The following CSMD1 variants were observed in gnomAD, a reference collection of about 807,000 sequenced individuals.
CSMD1 encodes the protein CUB and sushi domain-containing protein 1.
CSMD1 carries 213 observed loss-of-function variants against 417.5 expected under a neutral mutation model. The ratio of observed to expected loss-of-function variants is 0.51; its 90% confidence interval spans 0.46 to 0.57. CSMD1 has a LOEUF of 0.57. Ranked by LOEUF, CSMD1 falls within the 20% of genes least tolerant of loss-of-function variation. CSMD1 has a pLI of 0.00. For missense variants in CSMD1, 6,923 were observed against 4,529.7 expected (o/e 1.53, Z -15.17); for synonymous variants, 2,862 against 1,736.8 (o/e 1.65, Z -16.11).
At chr8:3,317,944 G>C (rs1465427163) in intron 23 of CSMD1, among the ~76,000 whole-genome samples, 1 of 152,118 alleles carries the variant, frequency 6.6e-6, no homozygotes. Flanking sequence ...TTGAGTAGCT[G>C]GGACCACAGA....
intron 1 of CSMD1, among the ~76,000 whole-genome samples, chr8:4,979,008 C>A (rs1356216395): frequency 6.6e-6 from 1 of 152,172 alleles, no homozygotes; most frequent in Non-Finnish European, 1.5e-5. Flanking sequence ...TAAAAATCTA[C>A]TTTGAAGAGC....
chr8:3,944,515 G>C (rs975716019), intron 5 of CSMD1, among the ~76,000 whole-genome samples: 1 of 152,074 alleles, frequency 6.6e-6, no homozygotes, highest in Non-Finnish European at 1.5e-5. Flanking sequence ...AGATTAGGCA[G>C]AGTTTGAGTT....
At chr8:4,175,613 A>C (rs921779370) in intron 3 of CSMD1, among the ~76,000 whole-genome samples, 1 of 152,174 alleles carries the variant, frequency 6.6e-6, no homozygotes, top group African/African-American at 2.4e-5. Flanking sequence ...TCACGCAATT[A>C]TCACAGCATA....
Position 4,089,053 on chromosome 8 carries a change from G to C in CSMD1, c.416-56954C>G, listed in dbSNP as rs369305897. On this transcript the variant is annotated intron_variant, in intron 3 of 69. Coordinates refer to ENST00000635120, the MANE Select transcript of CSMD1 (RefSeq NM_033225.6). ...TCTTGTAGAGAATGAAGATATTCTG[G>C]TCTTGCCGCCAGAGCTTCTGACAAA... Among the ~76,000 whole-genome samples the C allele has an allele frequency of 3.3e-5, 5 of 152,276 alleles. No individual in the cohort carries two copies. In the East Asian group the frequency reaches 5.8e-4, roughly 18 times the overall value.
chr8:4,892,653 C>T (rs1434105014), intron 1 of CSMD1, among the ~76,000 whole-genome samples: 2 of 151,964 alleles, frequency 1.3e-5, no homozygotes, highest in African/African-American at 4.8e-5. Context: ...TGAGTGTTTT[C>T]TTCTTCAGAC....
chr8:4,238,302 C>T (rs951593804), intron 3 of CSMD1, among the ~76,000 whole-genome samples: 1 of 152,212 alleles, frequency 6.6e-6, no homozygotes, highest in Non-Finnish European at 1.5e-5. Flanking sequence ...CTTCCTCCTT[C>T]TCAGCTTGGT....
At chr8:4,740,645 C>G (rs1563263480) in intron 1 of CSMD1, among the ~76,000 whole-genome samples, 1 of 152,192 alleles carries the variant, frequency 6.6e-6, no homozygotes, top group Non-Finnish European at 1.5e-5. Context: ...GGAGTATGTG[C>G]AGCTCTCTGG....
At chr8:3,193,783 G>A (rs1796554013) in intron 33 of CSMD1, among the ~76,000 whole-genome samples, 2 of 152,138 alleles carry the variant, frequency 1.3e-5, no homozygotes, top group African/African-American at 2.4e-5. Context: ...TGCTGAAAGT[G>A]GGAAGCAGCG....
In CSMD1 at chr8:3,801,221, C is replaced by G. The variant is rs78374218; in HGVS notation, c.819-47179G>C. 1.5e-3 allele frequency among the ~76,000 whole-genome samples: 230 copies of G among 151,256 alleles called. 6 individuals carry two copies. The East Asian group carries it at 0.038, about 25-fold the overall frequency. Reference sequence around the variant, plus strand: ...TTGCAAATACTACATCCAAAACGGTCTAATAACCAGAATATATAGAGAGAA... The same window carrying G: ...TTGCAAATACTACATCCAAAACGGTGTAATAACCAGAATATATAGAGAGAA... On this transcript the variant is annotated intron_variant, in intron 5 of 69. Transcript: ENST00000635120.
intron 18 of CSMD1, among the ~76,000 whole-genome samples, chr8:3,380,887 T>C (rs918133881): frequency 2.0e-5 from 3 of 149,876 alleles, no homozygotes; most frequent in African/African-American, 4.9e-5. Context: ...ACTTAAAGTA[T>C]AATGAAAAAA....
At chr8:4,349,172 TTCA>T (rs757538093) in intron 3 of CSMD1, among the ~76,000 whole-genome samples, 8 of 152,204 alleles carry the variant, frequency 5.3e-5, no homozygotes, top group Non-Finnish European at 7.3e-5. Context: ...TTGGTGTAAT[TTCA>T]TCAGAGAACT....
At chr8:4,441,231 T>G (rs1435751263) in intron 2 of CSMD1, among the ~76,000 whole-genome samples, 1 of 145,592 alleles carries the variant, frequency 6.9e-6, no homozygotes, top group Non-Finnish European at 1.5e-5. Flanking sequence ...CTTGAGTAGC[T>G]GGAACTACAG....
At chr8:2,984,927 A>G (rs1277301472) in intron 54 of CSMD1, among the ~76,000 whole-genome samples, 3 of 152,206 alleles carry the variant, frequency 2.0e-5, no homozygotes, top group Admixed American at 2.0e-4. Context: ...AGGTTTACAT[A>G]CCCAACTTAA....
At chr8:4,130,913 GATTA>G (rs1263428148) in intron 3 of CSMD1, among the ~76,000 whole-genome samples, 3 of 151,772 alleles carry the variant, frequency 2.0e-5, no homozygotes, top group Admixed American at 6.6e-5. Flanking sequence ...TGGATGGACG[GATTA>G]ATTATTCAGG....
intron 46 of CSMD1, among the ~76,000 whole-genome samples, chr8:3,105,831 C>T (rs1430816169): frequency 6.6e-6 from 1 of 152,156 alleles, no homozygotes; most frequent in African/African-American, 2.4e-5. Context: ...AGAAAGATAA[C>T]AGATAGGCAT....
At chr8:3,944,982 A>T (rs1426945237) in intron 5 of CSMD1, among the ~76,000 whole-genome samples, 1 of 152,162 alleles carries the variant, frequency 6.6e-6, no homozygotes, top group South Asian at 2.1e-4. Context: ...ATAATTATCC[A>T]TCTAATGCGG....
At chr8:3,618,922 G>A (rs2117181646) in intron 7 of CSMD1, among the ~76,000 whole-genome samples, 1 of 152,268 alleles carries the variant, frequency 6.6e-6, no homozygotes, top group South Asian at 2.1e-4. Flanking sequence ...GTCGCTCTGT[G>A]GGCTGCCTGA....
At chr8:3,953,410 G>A (rs763344150) in intron 5 of CSMD1, among the ~76,000 whole-genome samples, 3 of 152,136 alleles carry the variant, frequency 2.0e-5, no homozygotes, top group Non-Finnish European at 4.4e-5. Flanking sequence ...TGTGTAATGA[G>A]TATATAGAAT....
chr8:4,692,003 C>G (rs1215472546), intron 1 of CSMD1, among the ~76,000 whole-genome samples: 2 of 152,154 alleles, frequency 1.3e-5, no homozygotes, highest in Non-Finnish European at 2.9e-5. Flanking sequence ...TCTTCAGTGC[C>G]CTCTTGTACA....
Sources: gnomAD v4.1 joint callset for allele counts (sites outside exome capture counted in the v4.1 genomes callset) on GRCh38, gnomAD v4.1.1 for gene constraint, MANE v1.5 for transcripts, NCBI Gene and HGNC (gene_info 2026-07-23, HGNC 2026-07-21) for gene names.